TASP1: variants seen among roughly 807,000 people sequenced by gnomAD.
TASP1 encodes threonine aspartase 1.
In TASP1, 16 loss-of-function variants were observed where a neutral mutation model predicts 56.6. The ratio of observed to expected loss-of-function variants is 0.28; its 90% confidence interval spans 0.19 to 0.43. TASP1 has a LOEUF of 0.43. TASP1 is among the 20% of genes least tolerant of loss of function. The pLI is 1.00. For synonymous variants in TASP1, 179 were observed against 184.2 expected, an observed-to-expected ratio of 0.97 and a Z score of 0.23; for missense variants, 393 against 511.6, an observed-to-expected ratio of 0.77 and a Z score of 2.24.
chr20:13,165,539 G>A, the TASP1 span: 48 of 152,336 alleles, frequency 3.2e-4, no homozygotes, highest in African/African-American at 1.0e-3. Flanking sequence ...TTTTACAGCT[G>A]AGCTTTTGAG....
the TASP1 span, among the ~76,000 whole-genome samples, chr20:13,363,772 T>C: frequency 4.6e-5 from 7 of 152,210 alleles, no homozygotes; most frequent in African/African-American, 7.2e-5. Context: ...GCAGAATTGC[T>C]TGTTAGTGGC....
chr20:13,390,794 T>C (rs2041242763), intron 13 of TASP1, among the ~76,000 whole-genome samples: 1 of 152,240 alleles, frequency 6.6e-6, no homozygotes, highest in South Asian at 2.1e-4. Flanking sequence ...CTATTGAGTA[T>C]AGTCATTATG....
intron 8 of TASP1, among the ~76,000 whole-genome samples, chr20:13,557,199 A>T (rs957754200): frequency 6.6e-6 from 1 of 152,240 alleles, no homozygotes; most frequent in African/African-American, 2.4e-5. Flanking sequence ...AACTGGAAAA[A>T]AAATCAAATG....
the TASP1 span, among the ~76,000 whole-genome samples, chr20:13,320,259 C>T: frequency 1.3e-5 from 2 of 152,090 alleles, no homozygotes; most frequent in African/African-American, 4.8e-5. Context: ...GTGAGTTGAG[C>T]AAAAATACTT....
chr20:13,303,197 G>A, the TASP1 span, among the ~76,000 whole-genome samples: 1 of 152,166 alleles, frequency 6.6e-6, no homozygotes, highest in Non-Finnish European at 1.5e-5. Context: ...CAAAGCCCAG[G>A]CTCTTAAACC....
chr20:13,469,640 A>G (rs2044397450), intron 11 of TASP1, among the ~76,000 whole-genome samples: 1 of 152,134 alleles, frequency 6.6e-6, no homozygotes, highest in Non-Finnish European at 1.5e-5. Context: ...CCACCATGTC[A>G]AAGAAGGTTA....
At chr20:13,277,109 G>A in the TASP1 span, among the ~76,000 whole-genome samples, 1 of 152,050 alleles carries the variant, frequency 6.6e-6, no homozygotes, top group East Asian at 1.9e-4. Flanking sequence ...CAGGCAACAA[G>A]TCTATTTTGT....
At chr20:13,181,500 T>G in the TASP1 span, among the ~76,000 whole-genome samples, 1 of 152,304 alleles carries the variant, frequency 6.6e-6, no homozygotes, top group East Asian at 1.9e-4. Flanking sequence ...TATGGTCTTA[T>G]AGGAGTCACG....
chr20:13,383,311 A>C, the TASP1 span, among the ~76,000 whole-genome samples: 1 of 152,220 alleles, frequency 6.6e-6, no homozygotes, highest in Admixed American at 6.5e-5. Context: ...ATCTGATTGT[A>C]GCAGTGGAGG....
the TASP1 span, chr20:13,110,263 A>G: frequency 6.5e-7 from 1 of 1,536,628 alleles, no homozygotes; most frequent in Non-Finnish European, 9.0e-7. Context: ...GGCCTGCAGC[A>G]AGCTGACCAG....
intron 11 of TASP1, among the ~76,000 whole-genome samples, chr20:13,470,832 G>A (rs1203004538): frequency 6.6e-6 from 1 of 152,072 alleles, no homozygotes. Flanking sequence ...CTTCAGAGTT[G>A]ACTTGTACCC....
the TASP1 span, among the ~76,000 whole-genome samples, chr20:13,236,908 T>A: frequency 6.6e-6 from 1 of 152,182 alleles, no homozygotes; most frequent in African/African-American, 2.4e-5. Flanking sequence ...TCCAGCTGCT[T>A]TCAGGGGCTG....
the TASP1 span, among the ~76,000 whole-genome samples, chr20:13,214,560 C>CAGAG: frequency 2.5e-5 from 3 of 118,328 alleles, no homozygotes; most frequent in Non-Finnish European, 5.7e-5. Context: ...CACACACACA[C>CAGAG]ACAGAGAGAG....
At chr20:13,280,681 C>T in the TASP1 span, among the ~76,000 whole-genome samples, 2 of 152,288 alleles carry the variant, frequency 1.3e-5, no homozygotes, top group East Asian at 1.9e-4. Flanking sequence ...AAGGAACACA[C>T]ACTCGTAAGG....
chr20:13,503,719 C>A (rs1601030021), intron 10 of TASP1, among the ~76,000 whole-genome samples: 1 of 151,896 alleles, frequency 6.6e-6, no homozygotes, highest in Middle Eastern at 3.4e-3. Context: ...ACAATAAAAT[C>A]AGAAAAACAT....
chr20:13,311,533 A>T, the TASP1 span, among the ~76,000 whole-genome samples: 1 of 152,222 alleles, frequency 6.6e-6, no homozygotes, highest in Non-Finnish European at 1.5e-5. Context: ...TGAAATCAAC[A>T]TAAGTGTTCA....
intron 9 of TASP1, among the ~76,000 whole-genome samples, chr20:13,529,953 T>C (rs900984420): frequency 2.0e-5 from 3 of 152,182 alleles, no homozygotes; most frequent in Non-Finnish European, 4.4e-5. Flanking sequence ...CACTTCCCAT[T>C]GGTAGCAAAT....
the TASP1 span, among the ~76,000 whole-genome samples, chr20:13,196,938 C>A: frequency 6.6e-6 from 1 of 152,116 alleles, no homozygotes; most frequent in Non-Finnish European, 1.5e-5. Context: ...TTGTAAGTTC[C>A]AGGCATCTTT....
At chr20:13,561,359 GATTTT>G (rs1442822719) in intron 7 of TASP1, among the ~76,000 whole-genome samples, 3 of 151,918 alleles carry the variant, frequency 2.0e-5, no homozygotes, top group Non-Finnish European at 2.9e-5. Context: ...TTTTCCACGT[GATTTT>G]ATTTTATTTA....
Sources: allele counts gnomAD v4.1 joint callset (sites outside exome capture counted in the v4.1 genomes callset), GRCh38; gene constraint gnomAD v4.1.1; transcripts MANE v1.5; gene names NCBI Gene and HGNC (gene_info 2026-07-23, HGNC 2026-07-21).